ACVR1B: variants seen among roughly 807,000 people sequenced by gnomAD.
ACVR1B encodes the protein activin receptor type-1B.
In ACVR1B, 15 loss-of-function variants were observed where a neutral mutation model predicts 55.6. That is an observed-to-expected ratio of 0.27 (90% confidence interval 0.18 to 0.42). The LOEUF (loss-of-function observed/expected upper bound fraction) is 0.42, where lower values mean the gene tolerates loss of function less well. ACVR1B is among the 10% of genes least tolerant of loss of function. ACVR1B has a pLI of 1.00. For synonymous variants in ACVR1B, 247 were observed against 254.6 expected (o/e 0.97, Z 0.28); for missense variants, 359 against 670.1 (o/e 0.54, Z 5.13).
rs1402131185 is a variant in ACVR1B at position 51,975,290 on chromosome 12, C to T, written c.117C>T (p.Cys39=). ...VQALLCACTS[C]LQANYTCETD... The stretch of plus-strand genomic sequence containing the variant: ...CTCTGCTGTGTGCGTGCACCAGCTG[C>T]CTCCAGGCCAACTACACGTGTGAGA... The change falls in exon 2 of 9, where the codon TGC becomes TGT. Residue 39 remains cysteine, a synonymous_variant. Transcript: ENST00000257963. The T allele has an allele frequency of 1.2e-6, 2 of 1,613,488 alleles. No homozygotes were observed. The highest frequency in any genetic ancestry group is 8.5e-7 in the Non-Finnish European group (1 of 1,179,988).
chr12:51,974,462 A>G (rs1471309476), intron 1 of ACVR1B, among the ~76,000 whole-genome samples: 1 of 152,132 alleles, frequency 6.6e-6, no homozygotes, highest in East Asian at 1.9e-4. Context: ...AGCAAAACTC[A>G]TTAATCCCAG....
In ACVR1B at chr12:51,996,433, T is replaced by C. The variant is rs544352501; in HGVS notation, c.*2323T>C. The C allele has an allele frequency of 2.0e-5, 3 of 152,766 alleles. No individual in the cohort carries two copies. Among genetic ancestry groups the C allele is most frequent in the African/African-American group, 7.2e-5 (3 of 41,562 alleles). The allele number at this position is 152,766 out of a possible 1,614,324, so 9.5% of individuals were successfully genotyped here. On this transcript the variant is annotated 3_prime_UTR_variant, in exon 9 of 9. Transcript: ENST00000257963. ...GATCTTCCCCTAACCTTTGGGCCAA[T>C]TTACTGGCCACTAATTTCGTTTAAA...
chr12:51,994,967 C>T lies in ACVR1B; in HGVS notation c.*857C>T, dbSNP rs1228126801. ...CCCACCCCAGCATCAGCACAGCTCT[C>T]CTCCTCCATCTCAGACTGTGGAACC... On this transcript the variant is annotated 3_prime_UTR_variant, in exon 9 of 9. Transcript: ENST00000257963. This position sits in a 1 kb window ranked among gnomAD's most constrained non-coding sequence, Gnocchi z 4.2. The T allele has an allele frequency of 6.5e-6, 1 of 152,800 alleles. No homozygotes were observed. Among genetic ancestry groups the T allele is most frequent in the East Asian group, 1.9e-4 (1 of 5,200 alleles). The allele number at this position is 152,800 out of a possible 1,614,324, so 9.5% of individuals were successfully genotyped here.
At chr12:51,962,100 T>G (rs1187227813) in intron 1 of ACVR1B, among the ~76,000 whole-genome samples, 1 of 152,202 alleles carries the variant, frequency 6.6e-6, no homozygotes, top group Non-Finnish European at 1.5e-5. Flanking sequence ...TTTAAACAGC[T>G]CTCTAGGGCT....
At chr12:51,985,562 A>G (rs762868965) in intron 6 of ACVR1B, among the ~76,000 whole-genome samples, 31 of 152,352 alleles carry the variant, frequency 2.0e-4, no homozygotes, top group Non-Finnish European at 4.0e-4. Flanking sequence ...ACAGCTCCAT[A>G]AACTGTATGC....
At chr12:51,960,671 C>T (rs917949890) in intron 1 of ACVR1B, among the ~76,000 whole-genome samples, 3 of 152,142 alleles carry the variant, frequency 2.0e-5, no homozygotes, top group African/African-American at 7.2e-5. Context: ...AGCAGTGGGT[C>T]CAAAGTCTAT....
rs1310611579 is a variant in ACVR1B at position 51,994,142 on chromosome 12, A to C, written c.*32A>C. The C allele has an allele frequency of 6.2e-6, 10 of 1,609,308 alleles. No homozygotes were observed. The African/African-American group carries it at 1.2e-4, about 19-fold the overall frequency. ...CCTCTCTCCACACGGAGCTCCTGGC[A>C]GCGAGAACTACGCACAGCTGCCGCG... is the stretch of plus-strand genomic sequence containing the variant. On this transcript the variant is annotated 3_prime_UTR_variant, in exon 9 of 9. Coordinates refer to ENST00000257963, the MANE Select transcript of ACVR1B (RefSeq NM_004302.5). The surrounding 1 kb of genome is among the most constrained non-coding windows in gnomAD (Gnocchi z 4.2).
At chr12:51,951,880 G>A (rs754557218) in intron 1 of ACVR1B, 46 bp downstream of exon 1, 2 of 1,164,446 alleles carry the variant, frequency 1.7e-6, no homozygotes, top group Non-Finnish European at 2.2e-6. Flanking sequence ...AGAGGGCCCG[G>A]CAAGGGCGAG....
At chr12:51,976,301 T>A (rs1201174391) in intron 2 of ACVR1B, 26 bp from the exon 3 acceptor site, 15 of 1,613,088 alleles carry the variant, frequency 9.3e-6, no homozygotes, top group Non-Finnish European at 1.3e-5. Context: ...TCTCATTCTT[T>A]CCCTCTCCTC....
chr12:51,951,783 G>T lies in ACVR1B; in HGVS notation c.40G>T (p.Val14Phe). Residue 14 changes from valine (V) to phenylalanine (F), a missense_variant, in exon 1 of 9, where the codon GTT (valine) becomes TTT (phenylalanine). Val to Phe is a conservative substitution (Grantham distance 50). Transcript: ENST00000257963. ...CGGAGCCTCCTCCTTCTTCCCCCTT[G>T]TTGTCCTCCTGCTCGCCGGCAGCGG... ...SAGASSFFPL[V>F]VLLLAGSGGS... is the part of the protein sequence containing the mutation. 2 of 1,296,728 alleles carry T rather than the reference G, an allele frequency of 1.5e-6. No individual in the cohort carries two copies. Among genetic ancestry groups the T allele is most frequent in the South Asian group, 3.4e-5 (1 of 29,844 alleles). The allele number at this position is 1,296,728 out of a possible 1,614,324, so 80.3% of individuals were successfully genotyped here.
At chr12:51,964,136 T>C (rs1306282510) in intron 1 of ACVR1B, among the ~76,000 whole-genome samples, 5 of 152,136 alleles carry the variant, frequency 3.3e-5, no homozygotes, top group African/African-American at 9.7e-5. Flanking sequence ...GTTTTGTTGG[T>C]TTTTTAAAAA....
Position 51,985,359 on chromosome 12 carries a change from C to T in ACVR1B, c.1136+11C>T. The stretch of plus-strand genomic sequence containing the variant: ...GGTGGGGACCAAACGGTAGGAGGGC[C>T]TGGGACTCTGCCCTTGCTAAGCAGC... On this transcript the variant is annotated intron_variant, in intron 6 of 8. Transcript: ENST00000257963. 3 of 1,604,166 alleles carry T rather than the reference C, an allele frequency of 1.9e-6. No homozygotes were observed. Among genetic ancestry groups the T allele is most frequent in the South Asian group, 1.1e-5 (1 of 89,522 alleles).
rs1216127265 is a variant in ACVR1B, at chr12:51,994,356, T to G, written c.*246T>G. 2 of 456,372 alleles carry G rather than the reference T, an allele frequency of 4.4e-6. No homozygotes were observed. Among genetic ancestry groups the G allele is most frequent in the African/African-American group, 4.0e-5 (2 of 49,500 alleles). 28.3% of individuals were successfully genotyped at this position (456,372 alleles called of 1,614,324 possible). Reference sequence around the variant, plus strand: ...AGAGCGAATTGTGTGGAGAACTCAGTGCCACACCTCGAACTGGTTGTAGTG... The same window carrying G: ...AGAGCGAATTGTGTGGAGAACTCAGGGCCACACCTCGAACTGGTTGTAGTG... On this transcript the variant is annotated 3_prime_UTR_variant, in exon 9 of 9. Transcript: ENST00000257963. The surrounding 1 kb of genome is among the most constrained non-coding windows in gnomAD (Gnocchi z 4.2).
At chr12:51,953,458 A>T in intron 1 of ACVR1B, 1 of 985,372 alleles carries the variant, frequency 1.0e-6, no homozygotes, top group Non-Finnish European at 1.2e-6. Context: ...GTGGGGTTTG[A>T]GAAACATGGT....
At chr12:51,987,513 TTAGTA>T in intron 7 of ACVR1B, 1 of 217,562 alleles carries the variant, frequency 4.6e-6, no homozygotes, top group Non-Finnish European at 9.2e-6. Flanking sequence ...TATTGTCAAC[TTAGTA>T]TATCAGTATT....
intron 3 of ACVR1B, among the ~76,000 whole-genome samples, chr12:51,977,461 T>A (rs1464697419): frequency 1.3e-5 from 2 of 152,126 alleles, no homozygotes; most frequent in Non-Finnish European, 2.9e-5. Context: ...CCACAGCGAC[T>A]AATTTTTGTA....
In ACVR1B at chr12:51,966,062, C is replaced by CT. The variant is rs575097973; in HGVS notation, c.92-9202dup. On this transcript the variant is annotated intron_variant, in intron 1 of 8. Coordinates refer to ENST00000257963, the MANE Select transcript of ACVR1B (RefSeq NM_004302.5). The stretch of plus-strand genomic sequence containing the variant: ...GGAAAAGTAGAAGAGGAAAATACTA[C>CT]TAAAAAAAAAAGAAAGAAAGAAAAA... 8.7e-3 allele frequency among the ~76,000 whole-genome samples: 1,308 copies of CT among 149,864 alleles called. 17 individuals are homozygous for CT. Among genetic ancestry groups the CT allele is most frequent in the African/African-American group, 0.031 (1,253 of 40,674 alleles).
At position 51,981,315 on chromosome 12, in the gene ACVR1B, TGA is replaced by T. The variant is rs1182048264; in HGVS notation, c.811+118_811+119del. On this transcript the variant is annotated intron_variant, in intron 4 of 8. Transcript: ENST00000257963. ...CATTGTAACCCGTAGAAAGAAAACT[TGA>T]GTAAGGTCAAGGTTTCCATGCTTTC... The T allele has an allele frequency of 3.6e-6, 3 of 842,292 alleles. No individual in the cohort carries two copies. In the East Asian group the frequency reaches 8.0e-5, roughly 22 times the overall value. The allele number at this position is 842,292 out of a possible 1,614,324, so 52.2% of individuals were successfully genotyped here. A position where few individuals can be genotyped will look rare whatever the true frequency, so the allele number is the denominator to read the frequency against.
At chr12:51,953,609 A>G (rs1565607367) in intron 1 of ACVR1B, 14 of 689,776 alleles carry the variant, frequency 2.0e-5, no homozygotes, top group East Asian at 2.7e-4. Flanking sequence ...AAAAAAAAAA[A>G]GGGAGATTGA....
Sources: allele counts gnomAD v4.1 joint callset (sites outside exome capture counted in the v4.1 genomes callset), GRCh38; gene constraint gnomAD v4.1.1; non-coding constraint Gnocchi (gnomAD v3.1); transcripts MANE v1.5; gene names NCBI Gene and HGNC (gene_info 2026-07-23, HGNC 2026-07-21).